CCSER1: variants seen among roughly 807,000 people sequenced by gnomAD.
CCSER1 encodes the protein serine-rich coiled-coil domain-containing protein 1.
In CCSER1, 41 loss-of-function variants were observed where a neutral mutation model predicts 82.0. The ratio of observed to expected loss-of-function variants is 0.50; its 90% CI spans 0.39 to 0.65. The LOEUF (loss-of-function observed/expected upper bound fraction) is 0.65, where lower values mean the gene tolerates loss of function less well. CCSER1 is among the 30% of genes least tolerant of loss of function. CCSER1 has a pLI of 0.00. For synonymous variants in CCSER1, 414 were observed against 383.9 expected, an observed-to-expected ratio of 1.08 and a Z score of -0.92; for missense variants, 1,119 against 1,064.2, an observed-to-expected ratio of 1.05 and a Z score of -0.72.
intron 10 of CCSER1, among the ~76,000 whole-genome samples, chr4:91,335,843 A>G (rs567018439): frequency 6.6e-6 from 1 of 152,198 alleles, no homozygotes; most frequent in East Asian, 1.9e-4. Flanking sequence ...AAAATTGTTT[A>G]TGTGTGCTCA....
chr4:91,524,298 C>T (rs1260741798), intron 10 of CCSER1, among the ~76,000 whole-genome samples: 1 of 152,100 alleles, frequency 6.6e-6, no homozygotes, highest in Non-Finnish European at 1.5e-5. Flanking sequence ...TATTTGAAGT[C>T]ACTATGCTCA....
intron 10 of CCSER1, among the ~76,000 whole-genome samples, chr4:91,440,378 C>T (rs879222051): frequency 2.6e-5 from 4 of 152,064 alleles, no homozygotes; most frequent in African/African-American, 9.6e-5. Flanking sequence ...GGGTACGTAA[C>T]GAAATGAAGG....
chr4:90,309,041 A>G lies in CCSER1; in HGVS notation c.757A>G (p.Thr253Ala), dbSNP rs1441157245. ...TCCTTTGCTTTCTGCTGATCTTACC[A>G]CAGCTCAGACACCTTCAGAATTTTT... ...QSPLLSADLT[T>A]AQTPSEFLAL... is the part of the protein sequence containing the mutation. Residue 253 changes from threonine (T) to alanine (A), a missense_variant, in exon 2 of 11, where the codon ACA (threonine) becomes GCA (alanine). Coordinates refer to ENST00000509176, the MANE Select transcript of CCSER1 (RefSeq NM_001145065.2). The G allele has an allele frequency of 3.7e-6, 6 of 1,613,688 alleles. No homozygotes were observed. The highest frequency in any genetic ancestry group is 2.2e-5 in the East Asian group (1 of 44,876).
chr4:91,361,097 C>CTT (rs113916045), intron 10 of CCSER1, among the ~76,000 whole-genome samples: 9 of 151,226 alleles, frequency 6.0e-5, no homozygotes, highest in Admixed American at 4.0e-4. Flanking sequence ...AGGAAATGGC[C>CTT]TTTTTTTTAG....
intron 10 of CCSER1, among the ~76,000 whole-genome samples, chr4:91,373,262 T>C (rs1029882312): frequency 6.6e-6 from 1 of 152,190 alleles, no homozygotes; most frequent in South Asian, 2.1e-4. Flanking sequence ...TCTCATGTTA[T>C]TGTGCTTTTC....
intron 10 of CCSER1, among the ~76,000 whole-genome samples, chr4:91,388,985 A>G (rs1028034430): frequency 2.0e-5 from 3 of 152,008 alleles, no homozygotes; most frequent in Admixed American, 1.3e-4. Flanking sequence ...TTGAATAACA[A>G]TCTTTTATCA....
intron 6 of CCSER1, among the ~76,000 whole-genome samples, chr4:90,631,685 A>C (rs150049706): frequency 6.6e-6 from 1 of 152,204 alleles, no homozygotes; most frequent in Admixed American, 6.5e-5. Context: ...GGAAAGTTCT[A>C]CACAGCAGGC....
intron 10 of CCSER1, among the ~76,000 whole-genome samples, chr4:91,344,816 A>T (rs933600213): frequency 2.0e-5 from 3 of 152,194 alleles, no homozygotes; most frequent in Non-Finnish European, 4.4e-5. Flanking sequence ...CATGAAATTC[A>T]TACTGGGGGA....
intron 10 of CCSER1, chr4:91,129,727 A>G (rs1727835444): frequency 6.6e-6 from 1 of 152,074 alleles, no homozygotes; most frequent in Admixed American, 6.6e-5. Context: ...TAGCAACACT[A>G]TTAACTGAGC....
At chr4:90,450,068 A>T (rs1290338324) in intron 4 of CCSER1, among the ~76,000 whole-genome samples, 1 of 152,164 alleles carries the variant, frequency 6.6e-6, no homozygotes, top group East Asian at 1.9e-4. Flanking sequence ...GATAGGGATG[A>T]TGCTGCTCTT....
intron 9 of CCSER1, among the ~76,000 whole-genome samples, chr4:91,080,093 C>T (rs893305747): frequency 6.6e-6 from 1 of 152,184 alleles, no homozygotes; most frequent in Non-Finnish European, 1.5e-5. Context: ...GAACTCTCCA[C>T]CCCAAAACAA....
chr4:91,338,154 ACTTT>A (rs1211758589), intron 10 of CCSER1, among the ~76,000 whole-genome samples: 1 of 152,126 alleles, frequency 6.6e-6, no homozygotes, highest in East Asian at 1.9e-4. Context: ...TTGTTTGTGC[ACTTT>A]CTTTCTCTCT....
At chr4:90,834,778 G>T (rs1460912581) in intron 8 of CCSER1, among the ~76,000 whole-genome samples, 1 of 152,102 alleles carries the variant, frequency 6.6e-6, no homozygotes, top group Non-Finnish European at 1.5e-5. Context: ...ATAAAATGGG[G>T]ATTCAAAGGA....
intron 10 of CCSER1, among the ~76,000 whole-genome samples, chr4:91,088,865 T>C (rs887878695): frequency 1.3e-5 from 2 of 152,154 alleles, no homozygotes; most frequent in African/African-American, 4.8e-5. Context: ...ATTTTTTTTT[T>C]CATTAAGTGT....
intron 1 of CCSER1, among the ~76,000 whole-genome samples, chr4:90,199,425 C>T (rs1315153227): frequency 2.6e-5 from 4 of 152,144 alleles, no homozygotes; most frequent in African/African-American, 9.6e-5. Flanking sequence ...TTTTGTTTTT[C>T]CATCAAATAC....
At chr4:91,249,007 A>G (rs538220990) in intron 10 of CCSER1, among the ~76,000 whole-genome samples, 21 of 152,168 alleles carry the variant, frequency 1.4e-4, no homozygotes, top group African/African-American at 1.9e-4. Context: ...TATGATATCA[A>G]TTTTCTCTTT....
chr4:90,766,859 T>A (rs1751318447), intron 7 of CCSER1, among the ~76,000 whole-genome samples: 1 of 152,110 alleles, frequency 6.6e-6, no homozygotes, highest in Admixed American at 6.6e-5. Context: ...ATATGACATC[T>A]AAGAACCCTT....
chr4:91,357,486 C>T (rs1264460165), intron 10 of CCSER1, among the ~76,000 whole-genome samples: 5 of 152,236 alleles, frequency 3.3e-5, no homozygotes, highest in Admixed American at 1.3e-4. Context: ...TATGTTTACA[C>T]ACAGAATTTT....
intron 5 of CCSER1, among the ~76,000 whole-genome samples, chr4:90,519,306 A>G (rs1004864459): frequency 1.3e-5 from 2 of 151,900 alleles, no homozygotes; most frequent in African/African-American, 4.8e-5. Flanking sequence ...TAATATAAGT[A>G]AATAAATTTT....
Sources: gnomAD v4.1 joint callset for allele counts (sites outside exome capture counted in the v4.1 genomes callset) on GRCh38, gnomAD v4.1.1 for gene constraint, MANE v1.5 for transcripts, NCBI Gene and HGNC (gene_info 2026-07-23, HGNC 2026-07-21) for gene names.